The following CXCR5 variants were observed in gnomAD, a reference collection of about 807,000 sequenced individuals.
The protein encoded by CXCR5 is C-X-C chemokine receptor type 5.
Under a neutral mutation model 5.6 loss-of-function variants are expected in CXCR5, and 3 were observed. The observed-to-expected ratio is 0.54, with a 90% CI of 0.24 to 1.39. CXCR5 has a LOEUF of 1.39. Ranked by LOEUF, CXCR5 falls within the 40% of genes most tolerant of loss-of-function variation. CXCR5 has a pLI of 0.16. For synonymous variants in CXCR5, 218 were observed against 219.9 expected (o/e 0.99, Z 0.08); for missense variants, 333 against 494.6 (o/e 0.67, Z 3.10).
chr11:118,895,894 A>AAAGG lies in CXCR5; in HGVS notation c.*1231_*1232insAAGG. On this transcript the variant is annotated 3_prime_UTR_variant, in exon 2 of 2. Transcript: ENST00000292174. The surrounding 1 kb of genome is among the most constrained non-coding windows in gnomAD (Gnocchi z 4.2). ...CGTCCGGCAGTTCTGGGTGCTCCCT[A>AAAGG]CCACCTCCCCAGCCTTTGATCAGGT... 1 of 167,058 alleles carries AAAGG rather than the reference A, an allele frequency of 6.0e-6. No homozygotes were observed. Among genetic ancestry groups the AAAGG allele is most frequent in the South Asian group, 2.1e-4 (1 of 4,814 alleles). The allele number at this position is 167,058 out of a possible 1,614,324, so 10.3% of individuals were successfully genotyped here.
chr11:118,886,613 G>A (rs1217495099), intron 1 of CXCR5: 1 of 348,856 alleles, frequency 2.9e-6, no homozygotes, highest in Non-Finnish European at 5.6e-6. Context: ...CTGCTGGAAA[G>A]GCCGATCCTG....
chr11:118,888,852 T>C (rs987103235), intron 1 of CXCR5, among the ~76,000 whole-genome samples: 1 of 152,114 alleles, frequency 6.6e-6, no homozygotes, highest in South Asian at 2.1e-4. Flanking sequence ...GGACCCAGGA[T>C]AGATCCCTGA....
intron 1 of CXCR5, chr11:118,886,371 G>A (rs1203612488): frequency 4.6e-6 from 2 of 438,296 alleles, no homozygotes; most frequent in Non-Finnish European, 9.0e-6. Flanking sequence ...AAAGGAACTG[G>A]GGGCTCCTGG....
chr11:118,885,778 C>T (rs530641905), intron 1 of CXCR5: 1 of 154,124 alleles, frequency 6.5e-6, no homozygotes, highest in East Asian at 1.9e-4. Context: ...AGAAAACCTA[C>T]ATCTGGGGGA....
intron 1 of CXCR5, among the ~76,000 whole-genome samples, chr11:118,892,941 G>A (rs571023386): frequency 2.0e-5 from 3 of 152,204 alleles, no homozygotes; most frequent in African/African-American, 7.2e-5. Flanking sequence ...TCAGTGGGAG[G>A]TACTGGCTTT....
chr11:118,894,819 T>G lies in CXCR5; in HGVS notation c.*156T>G, dbSNP rs1161200119. 4.6e-5 allele frequency: 29 copies of G among 635,440 alleles called. No individual in the cohort carries two copies. The highest frequency in any genetic ancestry group is 5.8e-5 in the Non-Finnish European group (24 of 411,056). The allele number at this position is 635,440 out of a possible 1,614,324, so 39.4% of individuals were successfully genotyped here. On this transcript the variant is annotated 3_prime_UTR_variant, in exon 2 of 2. Transcript: ENST00000292174. This position sits in a 1 kb window ranked among gnomAD's most constrained non-coding sequence, Gnocchi z 6.1. The stretch of plus-strand genomic sequence containing the variant: ...GTAGCTAGAGGAACCAACCCCCATT[T>G]CTAGAACATCCCTGCCAGCTCTTCT...
In CXCR5 at chr11:118,886,699, G is replaced by A. The variant is rs181133094; in HGVS notation, c.51+2707G>A. 2.4e-4 allele frequency: 64 copies of A among 271,064 alleles called. 2 individuals carry two copies. The East Asian group carries it at 6.0e-3, about 26-fold the overall frequency. 16.8% of individuals were successfully genotyped at this position (271,064 alleles called of 1,614,324 possible). A position where few individuals can be genotyped will look rare whatever the true frequency, so the allele number is the denominator to read the frequency against. ...TTCCAACAGAACCAGGGCCTGGGCT[G>A]GGGCATCCACAGAGGCTGGTCATAA... is the stretch of plus-strand genomic sequence containing the variant. On this transcript the variant is annotated intron_variant, in intron 1 of 1. Transcript: ENST00000292174.
chr11:118,890,537 T>C (rs1253579821), intron 1 of CXCR5, among the ~76,000 whole-genome samples: 2 of 151,772 alleles, frequency 1.3e-5, no homozygotes, highest in South Asian at 2.1e-4. Context: ...AAAGACCTGC[T>C]AGACAGAAGG....
At chr11:118,891,818 C>A (rs1939814536) in intron 1 of CXCR5, among the ~76,000 whole-genome samples, 1 of 148,356 alleles carries the variant, frequency 6.7e-6, no homozygotes, top group South Asian at 2.1e-4. Flanking sequence ...TTGCAGTGAG[C>A]CGAGATCGTG....
intron 1 of CXCR5, chr11:118,886,255 T>C (rs1319379416): frequency 2.3e-6 from 1 of 425,756 alleles, no homozygotes; most frequent in Admixed American, 3.1e-5. Context: ...TCCTTGCCCA[T>C]ACCAGGTATT....
chr11:118,887,462 G>A, intron 1 of CXCR5: 1 of 983,784 alleles, frequency 1.0e-6, no homozygotes, highest in South Asian at 4.7e-5. Flanking sequence ...TGCTGCAGAG[G>A]CTTGGAGTAG....
In CXCR5 at chr11:118,894,019, C is replaced by T. The variant is rs1939855844; in HGVS notation, c.475C>T (p.Arg159Cys). 3 of 1,613,702 alleles carry T rather than the reference C, an allele frequency of 1.9e-6. No individual in the cohort carries two copies. Among genetic ancestry groups the T allele is most frequent in the South Asian group, 1.1e-5 (1 of 91,090 alleles). The change falls in exon 2 of 2, where the codon CGC (arginine) becomes TGC (cysteine). Residue 159 changes from arginine to cysteine, a missense_variant. Physicochemically the swap from Arg to Cys is radical, Grantham distance 180. Transcript: ENST00000292174. This position sits in a 1 kb window ranked among gnomAD's most constrained non-coding sequence, Gnocchi z 6.1. ...CATTGTCCACGCCGTCCATGCCTAC[C>T]GCCACCGCCGCCTCCTCTCCATCCA... Reference protein sequence around the residue: ...LAIVHAVHAYRHRRLLSIHIT... With the variant: ...LAIVHAVHAYCHRRLLSIHIT...
Position 118,883,975 on chromosome 11 carries a change from G to C in CXCR5, c.34G>C (p.Glu12Gln). ...CCCGCTAACGCTGGAAATGGACCTCGAGAACCTGGAGGACCTGGTGAGTAG... is the reference window on the plus strand; with the variant it reads ...CCCGCTAACGCTGGAAATGGACCTCCAGAACCTGGAGGACCTGGTGAGTAG... Reference protein sequence around the residue: ...NYPLTLEMDLENLEDLFWELD... With the variant: ...NYPLTLEMDLQNLEDLFWELD... The change falls in exon 1 of 2, where the codon GAG (glutamate) becomes CAG (glutamine). Residue 12 changes from glutamate to glutamine, a missense_variant. Coordinates refer to ENST00000292174, the MANE Select transcript of CXCR5 (RefSeq NM_001716.5). 1 of 1,612,768 alleles carries C rather than the reference G, an allele frequency of 6.2e-7. No homozygotes were observed. The highest frequency in any genetic ancestry group is 1.1e-5 in the South Asian group (1 of 90,760).
At position 118,893,295 on chromosome 11, in the gene CXCR5, G is replaced by A. The variant is rs767076389; in HGVS notation, c.52-301G>A. ...CCAGCCGCCAAGGCTGCAGGCTTCC[G>A]TACATGAGGACCCAAAAACACAAGC... On this transcript the variant is annotated intron_variant, in intron 1 of 1. Transcript: ENST00000292174. This position sits in a 1 kb window ranked among gnomAD's most constrained non-coding sequence, Gnocchi z 5.7. The A allele has an allele frequency of 1.5e-4, 108 of 717,396 alleles. No homozygotes were observed. The highest frequency in any genetic ancestry group is 1.6e-4 in the Non-Finnish European group (96 of 585,968). The allele number at this position is 717,396 out of a possible 1,614,324, so 44.4% of individuals were successfully genotyped here.
Position 118,894,032 on chromosome 11 carries a change from T to G in CXCR5, c.488T>G (p.Leu163Arg), listed in dbSNP as rs1234032004. The stretch of plus-strand genomic sequence containing the variant: ...GTCCATGCCTACCGCCACCGCCGCC[T>G]CCTCTCCATCCACATCACCTGTGGG... ...HAVHAYRHRR[L>R]LSIHITCGTI... The change falls in exon 2 of 2, where the codon CTC (leucine) becomes CGC (arginine). Residue 163 changes from leucine (L) to arginine (R), a missense_variant. Coordinates refer to ENST00000292174, the MANE Select transcript of CXCR5 (RefSeq NM_001716.5). The surrounding 1 kb of genome is among the most constrained non-coding windows in gnomAD (Gnocchi z 6.1). The G allele has an allele frequency of 1.2e-6, 2 of 1,613,818 alleles. No homozygotes were observed. The highest frequency in any genetic ancestry group is 2.2e-5 in the South Asian group (2 of 91,078).
intron 1 of CXCR5, among the ~76,000 whole-genome samples, chr11:118,891,544 G>T (rs1371003505): frequency 6.6e-6 from 1 of 151,876 alleles, no homozygotes; most frequent in Non-Finnish European, 1.5e-5. Flanking sequence ...TCACAAATAT[G>T]ACTTTTTCTT....
intron 1 of CXCR5, chr11:118,886,557 A>C: frequency 2.8e-6 from 1 of 362,370 alleles, no homozygotes; most frequent in Non-Finnish European, 5.3e-6. Flanking sequence ...AAGAACCAGG[A>C]ACAAGAAGAT....
At position 118,891,592 on chromosome 11, in the gene CXCR5, G is replaced by A. The variant is rs149526425; in HGVS notation, c.52-2004G>A. Among the ~76,000 whole-genome samples the A allele has an allele frequency of 1.7e-3, 259 of 152,256 alleles. 3 individuals are homozygous for A. Among genetic ancestry groups the A allele is most frequent in the African/African-American group, 5.7e-3 (236 of 41,546 alleles). On this transcript the variant is annotated intron_variant, in intron 1 of 1. Transcript: ENST00000292174. ...GCTATTAAATGTGAAATTGAGGCCAGGTATGGTAGCTCATGCCTGTAATCC... is the reference window on the plus strand; with the variant it reads ...GCTATTAAATGTGAAATTGAGGCCAAGTATGGTAGCTCATGCCTGTAATCC...
intron 1 of CXCR5, among the ~76,000 whole-genome samples, chr11:118,889,418 C>T (rs894366387): frequency 3.3e-5 from 5 of 152,236 alleles, no homozygotes; most frequent in African/African-American, 1.2e-4. Flanking sequence ...AATGGGCACA[C>T]CGCTCACGCA....
Sources: gnomAD v4.1 joint callset for allele counts (sites outside exome capture counted in the v4.1 genomes callset) on GRCh38, gnomAD v4.1.1 for gene constraint, Gnocchi (gnomAD v3.1) non-coding constraint, MANE v1.5 for transcripts, NCBI Gene and HGNC (gene_info 2026-07-23, HGNC 2026-07-21) for gene names.